CFAP46: variants seen among roughly 807,000 people sequenced by gnomAD.
CFAP46 encodes cilia- and flagella-associated protein 46.
A neutral mutation model predicts 325.7 loss-of-function variants in CFAP46; 245 were observed. The ratio of observed to expected loss-of-function variants is 0.75; its 90% CI spans 0.68 to 0.84. The LOEUF (loss-of-function observed/expected upper bound fraction) is 0.84, where lower values mean the gene tolerates loss of function less well. Among genes scored for constraint, CFAP46 ranks in the 40% least tolerant of loss-of-function variants. The pLI is 0.00. For missense variants in CFAP46, 3,346 were observed against 3,543.0 expected, an observed-to-expected ratio of 0.94 and a Z score of 1.41; for synonymous variants, 1,523 against 1,495.9, an observed-to-expected ratio of 1.02 and a Z score of -0.42.
chr10:132,838,412 G>C (rs893585022), intron 44 of CFAP46, among the ~76,000 whole-genome samples: 1 of 152,286 alleles, frequency 6.6e-6, no homozygotes. Flanking sequence ...ATGGATTTTT[G>C]CAGTGGGCAC....
At chr10:132,866,239 G>A in intron 34 of CFAP46, 68 bp from the exon 35 acceptor site, 1 of 1,406,582 alleles carries the variant, frequency 7.1e-7, no homozygotes, top group Non-Finnish European at 9.3e-7. Flanking sequence ...CACGGGACAG[G>A]CTCTGGCTCA....
At chr10:132,822,092 CTGTG>C (rs756205524) in intron 50 of CFAP46, among the ~76,000 whole-genome samples, 1 of 122,198 alleles carries the variant, frequency 8.2e-6, no homozygotes, top group Admixed American at 8.8e-5. Flanking sequence ...GTGATGTGTG[CTGTG>C]TGAGTGCTGA....
At position 132,847,969 on chromosome 10, in the gene CFAP46, G is replaced by T. The variant is rs986559936; in HGVS notation, c.5953-648C>A. 2.0e-5 allele frequency among the ~76,000 whole-genome samples: 3 copies of T among 152,202 alleles called. No individual in the cohort carries two copies. The highest frequency in any genetic ancestry group is 2.9e-5 in the Non-Finnish European group (2 of 68,036). On this transcript the variant is annotated intron_variant, in intron 41 of 57. Transcript: ENST00000368586. The surrounding 1 kb of genome is among the most constrained non-coding windows in gnomAD (Gnocchi z 5.2). ...GCAAAAACCAGCAAGCACGCTGGAG[G>T]CAGGGCAGCCGTGGCCACCTGACAC... is the stretch of plus-strand genomic sequence containing the variant.
At chr10:132,928,546 G>A (rs998378426) in intron 9 of CFAP46, among the ~76,000 whole-genome samples, 5 of 151,296 alleles carry the variant, frequency 3.3e-5, no homozygotes, top group Admixed American at 1.3e-4. Context: ...ACAGCCCTCA[G>A]CGTGACTGGA....
Position 132,871,988 on chromosome 10 carries a change from A to G in CFAP46, c.4511+688T>C, listed in dbSNP as rs187946705. Among the ~76,000 whole-genome samples the G allele has an allele frequency of 9.8e-3, 1,500 of 152,312 alleles. 15 individuals are homozygous for G. The highest frequency in any genetic ancestry group is 0.043 in the South Asian group (209 of 4,830). On this transcript the variant is annotated intron_variant, in intron 32 of 57. Transcript: ENST00000368586. The stretch of plus-strand genomic sequence containing the variant: ...ATTTTAAGAAATTGCCAGCCTTTTT[A>G]GCATTTTTAGTACATACATTTTAAA...
intron 34 of CFAP46, 91 bp downstream of exon 34, chr10:132,867,284 G>A (rs887713081): frequency 3.5e-5 from 51 of 1,469,832 alleles, no homozygotes; most frequent in Non-Finnish European, 3.6e-5. Flanking sequence ...CACACAGGCC[G>A]GCCGCCTGGC....
Position 132,875,912 on chromosome 10 carries a change from C to A in CFAP46, c.4362+900G>T, listed in dbSNP as rs74847171. On this transcript the variant is annotated intron_variant, in intron 31 of 57. Transcript: ENST00000368586. ...CTACTAATCCCTGTTCCCAAAAAGA[C>A]CTCCTTAACAGAGTGGAAAGGCAAG... 1.1e-4 allele frequency among the ~76,000 whole-genome samples: 16 copies of A among 152,342 alleles called. No homozygotes were observed. The East Asian group carries it at 3.1e-3, about 29-fold the overall frequency.
rs558991528 is a variant in CFAP46, at chr10:132,906,554, G to A, written c.2924+1914C>T. Among the ~76,000 whole-genome samples, 18 of 85,626 alleles carry A rather than the reference G, an allele frequency of 2.1e-4. No homozygotes were observed. In the East Asian group the frequency reaches 4.1e-3, roughly 19 times the overall value. 56.2% of individuals were successfully genotyped at this position (85,626 alleles called of 152,430 possible). Reference sequence around the variant, plus strand: ...AGAAGAGTGAACGGGGTCCTGGAGCGTGATGCCCCGTCCTGGGCACTGAGA... The same window carrying A: ...AGAAGAGTGAACGGGGTCCTGGAGCATGATGCCCCGTCCTGGGCACTGAGA... On this transcript the variant is annotated intron_variant, in intron 22 of 57. Transcript: ENST00000368586.
At chr10:132,904,057 G>C (rs1034412960) in intron 22 of CFAP46, among the ~76,000 whole-genome samples, 4 of 152,226 alleles carry the variant, frequency 2.6e-5, no homozygotes, top group African/African-American at 9.6e-5. Flanking sequence ...AGTGTAAAAT[G>C]CTATCATAAA....
rs1445632474 is a variant in CFAP46 at position 132,889,321 on chromosome 10, A to G, written c.3304+3012T>C. ...TCTCCAGAGCCGACCGGCTGGGTCT[A>G]GGGAGCAGAGGTGCCCATGGCTGGA... On this transcript the variant is annotated intron_variant, in intron 25 of 57. Transcript: ENST00000368586. The surrounding 1 kb of genome is among the most constrained non-coding windows in gnomAD (Gnocchi z 6.0). Among the ~76,000 whole-genome samples, 1 of 152,184 alleles carries G rather than the reference A, an allele frequency of 6.6e-6. No individual in the cohort carries two copies. The highest frequency in any genetic ancestry group is 1.5e-5 in the Non-Finnish European group (1 of 68,042).
At chr10:132,885,496 C>T (rs1849109230) in intron 26 of CFAP46, among the ~76,000 whole-genome samples, 1 of 151,922 alleles carries the variant, frequency 6.6e-6, no homozygotes, top group Non-Finnish European at 1.5e-5. Context: ...CCCCGCTCTC[C>T]CTGTGTTGAA....
intron 25 of CFAP46, among the ~76,000 whole-genome samples, chr10:132,888,220 T>C (rs1849195627): frequency 1.3e-5 from 2 of 151,900 alleles, no homozygotes; most frequent in South Asian, 4.2e-4. Context: ...CCCCGTCTAA[T>C]GGTAGCGGGT....
chr10:132,872,072 A>T (rs762914788), intron 32 of CFAP46, among the ~76,000 whole-genome samples: 4 of 152,238 alleles, frequency 2.6e-5, no homozygotes, highest in Non-Finnish European at 4.4e-5. Context: ...ACTACAGAAT[A>T]GTGTAAACCT....
chr10:132,920,001 G>A (rs756328144), intron 14 of CFAP46, 58 bp downstream of exon 14: 21 of 1,442,654 alleles, frequency 1.5e-5, no homozygotes, highest in East Asian at 1.1e-4. Flanking sequence ...ACTGGCCCTC[G>A]GGCTGAGCGA....
At chr10:132,923,178 C>T (rs111612943) in intron 11 of CFAP46, among the ~76,000 whole-genome samples, 5,563 of 140,946 alleles carry the variant, frequency 0.039, 160 homozygotes, top group Non-Finnish European at 0.062. Flanking sequence ...AGGGGTACCC[C>T]GGAACCCCTG....
At chr10:132,894,342 G>A (rs765871027) in intron 24 of CFAP46, among the ~76,000 whole-genome samples, 6 of 152,150 alleles carry the variant, frequency 3.9e-5, no homozygotes, top group Non-Finnish European at 8.8e-5. Context: ...TAAAACTTAC[G>A]GGAGGCAGTG....
rs777117654 is a variant in CFAP46 at position 132,872,838 on chromosome 10, T to A, written c.4363-14A>T. 5.8e-6 allele frequency: 9 copies of A among 1,550,920 alleles called. No individual in the cohort carries two copies. The East Asian group carries it at 9.8e-5, about 17-fold the overall frequency. ...CAAACTGTATGTCTACATGGACACA[T>A]AACACACACAGGAGGTCACAGGAGC... On this transcript the variant is annotated splice_polypyrimidine_tract_variant and intron_variant, in intron 31 of 57. Coordinates refer to ENST00000368586, the MANE Select transcript of CFAP46 (RefSeq NM_001200049.3).
Position 132,827,163 on chromosome 10 carries a change from A to G in CFAP46, c.7117+6195T>C, listed in dbSNP as rs57127019. On this transcript the variant is annotated intron_variant, in intron 50 of 57. Transcript: ENST00000368586. The surrounding 1 kb of genome is among the most constrained non-coding windows in gnomAD (Gnocchi z 5.7). ...CCACCCAGTCCTGGGCCACTGAGCC[A>G]CCCTCCTGCCATGCAGGGCAGACAC... Among the ~76,000 whole-genome samples the G allele has an allele frequency of 0.026, 3,992 of 151,838 alleles. 67 individuals carry two copies. The highest frequency in any genetic ancestry group is 0.11 in the South Asian group (512 of 4,804).
intron 27 of CFAP46, among the ~76,000 whole-genome samples, chr10:132,881,273 C>T (rs1045357742): frequency 6.6e-6 from 1 of 152,136 alleles, no homozygotes; most frequent in African/African-American, 2.4e-5. Flanking sequence ...CGAATTCCTT[C>T]CCCGTCTCCT....
Sources: gnomAD v4.1 joint callset for allele counts (sites outside exome capture counted in the v4.1 genomes callset) on GRCh38, gnomAD v4.1.1 for gene constraint, Gnocchi (gnomAD v3.1) non-coding constraint, MANE v1.5 for transcripts, NCBI Gene and HGNC (gene_info 2026-07-23, HGNC 2026-07-21) for gene names.